The following KIAA1328 variants were observed in gnomAD, a reference collection of about 807,000 sequenced individuals.
KIAA1328 encodes the protein protein hinderin.
Under a neutral mutation model 68.1 loss-of-function variants are expected in KIAA1328, and 52 were observed. The observed-to-expected ratio is 0.76, with a 90% CI of 0.61 to 0.96. The LOEUF is 0.96. Ranked by LOEUF, KIAA1328 falls within the 40% of genes least tolerant of loss-of-function variation. The pLI, the probability that KIAA1328 is intolerant of heterozygous loss-of-function variation, is 0.00. For missense variants in KIAA1328, 641 were observed against 677.6 expected (o/e 0.95, Z 0.60); for synonymous variants, 232 against 239.4 (o/e 0.97, Z 0.28).
intron 5 of KIAA1328, among the ~76,000 whole-genome samples, chr18:36,917,645 G>A (rs180825640): frequency 6.6e-6 from 1 of 152,280 alleles, no homozygotes; most frequent in East Asian, 1.9e-4. Context: ...GCTGCCTGGA[G>A]ACTTCTCTGT....
chr18:37,046,094 C>A (rs537161301), intron 6 of KIAA1328, among the ~76,000 whole-genome samples: 1 of 152,138 alleles, frequency 6.6e-6, no homozygotes, highest in Non-Finnish European at 1.5e-5. Context: ...TGACTGTATT[C>A]TAGATAATTT....
intron 7 of KIAA1328, among the ~76,000 whole-genome samples, chr18:37,132,095 A>T (rs1428175151): frequency 6.6e-6 from 1 of 152,200 alleles, no homozygotes; most frequent in Non-Finnish European, 1.5e-5. Context: ...TGGCAAAAAA[A>T]AAAGGAGAGA....
intron 7 of KIAA1328, among the ~76,000 whole-genome samples, chr18:37,117,784 A>G (rs1021624199): frequency 6.6e-6 from 1 of 152,056 alleles, no homozygotes; most frequent in Admixed American, 6.6e-5. Flanking sequence ...ATATCCTGTA[A>G]GTAAAATGCT....
intron 5 of KIAA1328, among the ~76,000 whole-genome samples, chr18:36,927,757 C>T (rs2050170938): frequency 7.1e-6 from 1 of 141,290 alleles, no homozygotes; most frequent in South Asian, 2.2e-4. Context: ...GACCCTGTCT[C>T]AAATAAAGAA....
intron 4 of KIAA1328, among the ~76,000 whole-genome samples, chr18:36,877,580 A>G (rs989443693): frequency 7.9e-6 from 1 of 126,596 alleles, no homozygotes; most frequent in African/African-American, 3.0e-5. Context: ...TTTTGAGCCT[A>G]TGTGTCTTTG....
chr18:37,030,806 A>G (rs1450367004), intron 6 of KIAA1328, among the ~76,000 whole-genome samples: 2 of 152,040 alleles, frequency 1.3e-5, no homozygotes, highest in African/African-American at 2.4e-5. Flanking sequence ...TACATTAGAT[A>G]TTTCCCCTAA....
chr18:37,212,345 A>T (rs2060332462), intron 9 of KIAA1328, among the ~76,000 whole-genome samples: 1 of 152,224 alleles, frequency 6.6e-6, no homozygotes, highest in African/African-American at 2.4e-5. Context: ...GAATTTACAG[A>T]TTTTCATACC....
intron 9 of KIAA1328, among the ~76,000 whole-genome samples, chr18:37,210,111 A>G (rs1210686376): frequency 3.3e-5 from 5 of 152,172 alleles, no homozygotes; most frequent in Non-Finnish European, 5.9e-5. Context: ...TTAGTTTCTC[A>G]TCAGCTGCAG....
At position 36,875,905 on chromosome 18, in the gene KIAA1328, T is replaced by TA. The variant is rs1445654408; in HGVS notation, c.333-9652_333-9651insA. 5.9e-5 allele frequency among the ~76,000 whole-genome samples: 9 copies of TA among 151,752 alleles called. No homozygotes were observed. In the East Asian group the frequency reaches 1.5e-3, roughly 26 times the overall value. On this transcript the variant is annotated intron_variant, in intron 4 of 9. Coordinates refer to ENST00000280020, the MANE Select transcript of KIAA1328 (RefSeq NM_020776.3). ...GGTGTTGAATTTTATCGAAGGCCTT[T>TA]TCTGCATCTATTGAGGTAATCGTGG...
chr18:36,947,954 A>G (rs1482476551), intron 5 of KIAA1328, among the ~76,000 whole-genome samples: 1 of 152,062 alleles, frequency 6.6e-6, no homozygotes, highest in African/African-American at 2.4e-5. Flanking sequence ...TTTAATGTTA[A>G]TGTTGGTCAA....
intron 7 of KIAA1328, among the ~76,000 whole-genome samples, chr18:37,082,022 G>C (rs2056964018): frequency 6.6e-6 from 1 of 152,036 alleles, no homozygotes; most frequent in Admixed American, 6.6e-5. Context: ...CCTCTACTCT[G>C]CACAAAACTC....
At chr18:36,985,871 C>T (rs1443017143) in intron 6 of KIAA1328, among the ~76,000 whole-genome samples, 1 of 152,100 alleles carries the variant, frequency 6.6e-6, no homozygotes. Flanking sequence ...TGAAAAGTTG[C>T]TCAACATTAG....
chr18:37,198,229 G>A (rs1390808173), intron 9 of KIAA1328, among the ~76,000 whole-genome samples: 2 of 152,056 alleles, frequency 1.3e-5, no homozygotes, highest in African/African-American at 4.8e-5. Context: ...CTTTTTGGGG[G>A]CAATGAAAAT....
At chr18:37,211,240 G>C (rs1331801756) in intron 9 of KIAA1328, among the ~76,000 whole-genome samples, 2 of 152,152 alleles carry the variant, frequency 1.3e-5, no homozygotes, top group African/African-American at 4.8e-5. Context: ...CAAGGGGCCT[G>C]GGTTAAAAAC....
intron 7 of KIAA1328, among the ~76,000 whole-genome samples, chr18:37,095,756 A>G (rs562145038): frequency 4.6e-5 from 7 of 152,080 alleles, no homozygotes; most frequent in Admixed American, 2.0e-4. Flanking sequence ...ACTAACTAAG[A>G]CTAACTAAGG....
chr18:37,036,958 C>G (rs1055850894), intron 6 of KIAA1328, among the ~76,000 whole-genome samples: 1 of 152,148 alleles, frequency 6.6e-6, no homozygotes, highest in Admixed American at 6.5e-5. Context: ...GATATACAGA[C>G]CCTAAGAAAC....
chr18:37,085,491 T>A (rs1032608345), intron 7 of KIAA1328, among the ~76,000 whole-genome samples: 10 of 152,120 alleles, frequency 6.6e-5, no homozygotes, highest in Non-Finnish European at 1.5e-4. Flanking sequence ...TTTTTTTAGG[T>A]GGATAGTTAT....
chr18:36,998,710 C>G (rs2053484879), intron 6 of KIAA1328, among the ~76,000 whole-genome samples: 1 of 152,164 alleles, frequency 6.6e-6, no homozygotes, highest in South Asian at 2.1e-4. Flanking sequence ...GACTACATTA[C>G]TACATGCACC....
intron 3 of KIAA1328, among the ~76,000 whole-genome samples, chr18:36,842,021 G>A (rs1406858869): frequency 2.0e-5 from 3 of 151,696 alleles, no homozygotes; most frequent in South Asian, 2.1e-4. Flanking sequence ...TCGGGGTTTA[G>A]TCAGTTATTT....
Sources: allele counts gnomAD v4.1 joint callset (sites outside exome capture counted in the v4.1 genomes callset), GRCh38; gene constraint gnomAD v4.1.1; transcripts MANE v1.5; gene names NCBI Gene and HGNC (gene_info 2026-07-23, HGNC 2026-07-21).